The following ZSWIM6 variants were observed in gnomAD, a reference collection of about 807,000 sequenced individuals.
ZSWIM6 encodes zinc finger SWIM domain-containing protein 6.
In ZSWIM6, 9 loss-of-function variants were observed where a neutral mutation model predicts 113.2. That is an observed-to-expected ratio of 0.08 (90% CI 0.05 to 0.14). The LOEUF (loss-of-function observed/expected upper bound fraction) is 0.14, where lower values mean the gene tolerates loss of function less well. ZSWIM6 is among the 10% of genes least tolerant of loss of function. The pLI is 1.00. For missense variants in ZSWIM6, 1,162 were observed against 1,552.2 expected, an observed-to-expected ratio of 0.75 and a Z score of 4.22; for synonymous variants, 611 against 606.5, an observed-to-expected ratio of 1.01 and a Z score of -0.11.
chr5:61,380,301 C>A (rs1328574744), intron 1 of ZSWIM6, among the ~76,000 whole-genome samples: 1 of 152,214 alleles, frequency 6.6e-6, no homozygotes, highest in African/African-American at 2.4e-5. Flanking sequence ...GTCTCGAACT[C>A]CTGACCTCAG....
chr5:61,500,462 A>T (rs1748435802), intron 4 of ZSWIM6, among the ~76,000 whole-genome samples: 1 of 152,076 alleles, frequency 6.6e-6, no homozygotes, highest in African/African-American at 2.4e-5. Context: ...CCTCTCTTCC[A>T]GGTAGTCTCT....
chr5:61,481,380 C>G (rs1169118481), intron 2 of ZSWIM6, among the ~76,000 whole-genome samples: 1 of 151,924 alleles, frequency 6.6e-6, no homozygotes, highest in Non-Finnish European at 1.5e-5. Flanking sequence ...CGTATATATG[C>G]TTTATTAGAT....
intron 1 of ZSWIM6, among the ~76,000 whole-genome samples, chr5:61,447,602 C>T (rs1436663189): frequency 6.6e-6 from 1 of 152,086 alleles, no homozygotes; most frequent in African/African-American, 2.4e-5. Flanking sequence ...GAAAACCCAC[C>T]TCCAGCCAAA....
chr5:61,495,655 A>G (rs933515500), intron 4 of ZSWIM6, among the ~76,000 whole-genome samples: 3 of 152,132 alleles, frequency 2.0e-5, no homozygotes, highest in Non-Finnish European at 4.4e-5. Flanking sequence ...ATGTATTAGA[A>G]TGATGTTTGG....
intron 2 of ZSWIM6, among the ~76,000 whole-genome samples, chr5:61,479,224 A>AG (rs1747793823): frequency 6.6e-6 from 1 of 152,060 alleles, no homozygotes; most frequent in East Asian, 1.9e-4. Flanking sequence ...GATCATGTAC[A>AG]GGGGATCCTT....
intron 5 of ZSWIM6, among the ~76,000 whole-genome samples, chr5:61,524,783 A>G (rs1394730197): frequency 6.6e-6 from 1 of 152,220 alleles, no homozygotes; most frequent in African/African-American, 2.4e-5. Flanking sequence ...CAGAACAATG[A>G]GAGGTTATAT....
At chr5:61,385,699 C>T (rs112910301) in intron 1 of ZSWIM6, among the ~76,000 whole-genome samples, 270 of 152,320 alleles carry the variant, frequency 1.8e-3, no homozygotes, top group African/African-American at 6.3e-3. Context: ...AACCAGGCAG[C>T]GTAGTTTACT....
chr5:61,542,632 A>G (rs1444274943), intron 13 of ZSWIM6, among the ~76,000 whole-genome samples: 2 of 152,256 alleles, frequency 1.3e-5, no homozygotes, highest in African/African-American at 2.4e-5. Context: ...CACAGCATAT[A>G]CTATAAAATT....
chr5:61,343,944 TG>T (rs1205826950), intron 1 of ZSWIM6, among the ~76,000 whole-genome samples: 2 of 151,292 alleles, frequency 1.3e-5, no homozygotes, highest in African/African-American at 4.9e-5. Context: ...TGGAGTGCAG[TG>T]GTGCAATCTT....
intron 1 of ZSWIM6, chr5:61,390,725 C>G: frequency 1.3e-6 from 1 of 796,132 alleles, no homozygotes; most frequent in Non-Finnish European, 2.3e-6. Context: ...TGAATGCTGT[C>G]TTCTCCTCCA....
chr5:61,381,105 T>G (rs1745464458), intron 1 of ZSWIM6, among the ~76,000 whole-genome samples: 1 of 151,888 alleles, frequency 6.6e-6, no homozygotes, highest in South Asian at 2.1e-4. Flanking sequence ...AAAAATAATT[T>G]AGCTGGGCGT....
At chr5:61,487,206 A>G (rs1748040693) in intron 2 of ZSWIM6, among the ~76,000 whole-genome samples, 1 of 152,010 alleles carries the variant, frequency 6.6e-6, no homozygotes, top group Non-Finnish European at 1.5e-5. Context: ...CGTTGTAAAT[A>G]TGTGGCTTTA....
intron 1 of ZSWIM6, among the ~76,000 whole-genome samples, chr5:61,366,927 CA>C (rs34423967): frequency 0.032 from 2,752 of 86,078 alleles, 22 homozygotes; most frequent in Middle Eastern, 0.044. Flanking sequence ...TCTGCTGTCT[CA>C]AAAAAAAAAA....
chr5:61,511,970 C>T (rs1748801507), intron 4 of ZSWIM6, among the ~76,000 whole-genome samples: 1 of 152,076 alleles, frequency 6.6e-6, no homozygotes, highest in Non-Finnish European at 1.5e-5. Flanking sequence ...ACAAGTCTTA[C>T]TATACTATAA....
At chr5:61,464,883 A>T (rs113506107) in intron 1 of ZSWIM6, among the ~76,000 whole-genome samples, 268 of 152,358 alleles carry the variant, frequency 1.8e-3, no homozygotes, top group African/African-American at 6.2e-3. Flanking sequence ...TAAAGTACGC[A>T]GAGATGCCAA....
At chr5:61,475,477 A>G (rs1290752657) in intron 2 of ZSWIM6, among the ~76,000 whole-genome samples, 1 of 152,226 alleles carries the variant, frequency 6.6e-6, no homozygotes, top group Non-Finnish European at 1.5e-5. Flanking sequence ...AGGAAAGCCT[A>G]TCAAGGATAG....
chr5:61,532,625 A>G (rs1332682433), intron 9 of ZSWIM6, among the ~76,000 whole-genome samples: 1 of 152,214 alleles, frequency 6.6e-6, no homozygotes, highest in African/African-American at 2.4e-5. Context: ...TCTACTTAAA[A>G]GAAAACATTT....
chr5:61,447,720 A>G (rs1035876395), intron 1 of ZSWIM6, among the ~76,000 whole-genome samples: 13 of 152,220 alleles, frequency 8.5e-5, no homozygotes, highest in African/African-American at 2.4e-4. Context: ...TGTTACTGAC[A>G]TGCTAGAGGT....
intron 1 of ZSWIM6, among the ~76,000 whole-genome samples, chr5:61,397,053 T>A (rs1745851317): frequency 6.6e-6 from 1 of 152,208 alleles, no homozygotes; most frequent in Admixed American, 6.5e-5. Context: ...TATTCAGCAG[T>A]AAGATGTGGT....
Sources: gnomAD v4.1 joint callset for allele counts (sites outside exome capture counted in the v4.1 genomes callset) on GRCh38, gnomAD v4.1.1 for gene constraint, MANE v1.5 for transcripts, NCBI Gene and HGNC (gene_info 2026-07-23, HGNC 2026-07-21) for gene names.